NFIB: variants seen among roughly 807,000 people sequenced by gnomAD.
NFIB encodes nuclear factor 1 B-type.
Under a neutral mutation model 61.5 loss-of-function variants are expected in NFIB, and 11 were observed. The observed-to-expected ratio is 0.18, with a 90% CI of 0.11 to 0.30. NFIB has a LOEUF of 0.30. NFIB is among the 10% of genes least tolerant of loss of function. The pLI is 1.00. For synonymous variants in NFIB, 260 were observed against 216.5 expected (o/e 1.20, Z -1.76); for missense variants, 471 against 608.9 (o/e 0.77, Z 2.38).
At chr9:14,271,875 G>C (rs552203722) in intron 2 of NFIB, among the ~76,000 whole-genome samples, 2 of 152,142 alleles carry the variant, frequency 1.3e-5, no homozygotes, top group East Asian at 3.9e-4. Context: ...ACACTCATAA[G>C]AACTCTGGGT....
intron 2 of NFIB, among the ~76,000 whole-genome samples, chr9:14,288,069 A>G (rs2058834567): frequency 6.6e-6 from 1 of 152,264 alleles, no homozygotes; most frequent in Non-Finnish European, 1.5e-5. Flanking sequence ...GTATATTTGC[A>G]GAATATTTTG....
At chr9:14,500,215 C>A in the NFIB span, among the ~76,000 whole-genome samples, 1 of 152,184 alleles carries the variant, frequency 6.6e-6, no homozygotes, top group South Asian at 2.1e-4. Context: ...CACAGCAAGT[C>A]AGTAGGGCAG....
At chr9:14,252,244 G>A (rs536554647) in intron 2 of NFIB, among the ~76,000 whole-genome samples, 157 of 152,210 alleles carry the variant, frequency 1.0e-3, no homozygotes, top group African/African-American at 3.6e-3. Context: ...TGTTTTCAAA[G>A]TCTTGAACAT....
chr9:14,439,059 T>C, the NFIB span, among the ~76,000 whole-genome samples: 1 of 152,212 alleles, frequency 6.6e-6, no homozygotes, highest in South Asian at 2.1e-4. Flanking sequence ...AACCAATCCC[T>C]GTGGAGCTAC....
chr9:14,082,397 A>T lies in NFIB; in HGVS notation c.*5912T>A, dbSNP rs1180770386. The stretch of plus-strand genomic sequence containing the variant: ...TCCTACAAAAGTTGTTCTCAGAGAA[A>T]TATCATTGAGGTGGGGGCAGCTCTT... On this transcript the variant is annotated 3_prime_UTR_variant, in exon 11 of 11. Transcript: ENST00000380953. 4.9e-6 allele frequency: 1 copy of T among 203,118 alleles called. No individual in the cohort carries two copies. Among genetic ancestry groups the T allele is most frequent in the Admixed American group, 6.0e-5 (1 of 16,704 alleles). 12.6% of individuals were successfully genotyped at this position (203,118 alleles called of 1,614,324 possible).
At chr9:14,394,230 A>T (rs1588417858) in intron 1 of NFIB, among the ~76,000 whole-genome samples, 1 of 152,356 alleles carries the variant, frequency 6.6e-6, no homozygotes, top group East Asian at 1.9e-4. Context: ...AAGTGCTATT[A>T]TAAGGATAAC....
At chr9:14,255,133 G>C (rs564422769) in intron 2 of NFIB, among the ~76,000 whole-genome samples, 1 of 152,216 alleles carries the variant, frequency 6.6e-6, no homozygotes, top group Non-Finnish European at 1.5e-5. Context: ...TAAAGTTGGA[G>C]AATCACTTGA....
At chr9:14,518,977 C>T in the NFIB span, among the ~76,000 whole-genome samples, 31 of 152,120 alleles carry the variant, frequency 2.0e-4, no homozygotes, top group African/African-American at 7.0e-4. Context: ...TTGCCTGGAG[C>T]CATTATTGCG....
chr9:14,521,962 A>G, the NFIB span, among the ~76,000 whole-genome samples: 7 of 152,182 alleles, frequency 4.6e-5, no homozygotes, highest in African/African-American at 1.7e-4. Context: ...GGAATTCCCT[A>G]TGAAAGTTTA....
the NFIB span, among the ~76,000 whole-genome samples, chr9:14,504,491 T>A: frequency 1.3e-5 from 2 of 152,222 alleles, no homozygotes; most frequent in Admixed American, 6.5e-5. Context: ...GTTTGTGTCA[T>A]CTATGATTTC....
chr9:14,118,336 T>C (rs1024965337), intron 8 of NFIB, among the ~76,000 whole-genome samples: 1 of 152,116 alleles, frequency 6.6e-6, no homozygotes, highest in African/African-American at 2.4e-5. Context: ...GAACAAAATG[T>C]CTGGAGCAGA....
At chr9:14,268,128 A>T (rs1209317284) in intron 2 of NFIB, among the ~76,000 whole-genome samples, 1 of 152,088 alleles carries the variant, frequency 6.6e-6, no homozygotes, top group Non-Finnish European at 1.5e-5. Context: ...CTCAAAAAAA[A>T]AAAAAAAATT....
the NFIB span, among the ~76,000 whole-genome samples, chr9:14,446,786 G>A: frequency 6.6e-6 from 1 of 152,094 alleles, no homozygotes; most frequent in Non-Finnish European, 1.5e-5. Context: ...ACAGGGAATA[G>A]TATTAATAAA....
At chr9:14,515,797 G>C in the NFIB span, among the ~76,000 whole-genome samples, 1 of 152,182 alleles carries the variant, frequency 6.6e-6, no homozygotes, top group African/African-American at 2.4e-5. Flanking sequence ...CAAGCCTCTA[G>C]ACGATGCCAA....
At chr9:14,392,470 A>G (rs1208731278) in intron 1 of NFIB, among the ~76,000 whole-genome samples, 1 of 152,226 alleles carries the variant, frequency 6.6e-6, no homozygotes, top group Non-Finnish European at 1.5e-5. Flanking sequence ...GCTCAGGCCT[A>G]TAATCCCAGC....
intron 2 of NFIB, chr9:14,204,390 A>C: frequency 9.1e-7 from 1 of 1,096,198 alleles, no homozygotes; most frequent in Non-Finnish European, 1.4e-6. Context: ...ATCCAGCCCA[A>C]AAGAGACCTC....
chr9:14,493,292 T>C, the NFIB span, among the ~76,000 whole-genome samples: 1 of 152,208 alleles, frequency 6.6e-6, no homozygotes, highest in African/African-American at 2.4e-5. Context: ...CCACATGATA[T>C]GATTGGCTAG....
chr9:14,237,650 C>A (rs10756542), intron 2 of NFIB, among the ~76,000 whole-genome samples: 83,866 of 151,862 alleles, frequency 0.55, 24,433 homozygotes, highest in African/African-American at 0.72. Context: ...TTAAATAACT[C>A]CCAAATAGCC....
chr9:14,168,802 T>A (rs1388864406), intron 3 of NFIB, among the ~76,000 whole-genome samples: 2 of 152,330 alleles, frequency 1.3e-5, no homozygotes, highest in Admixed American at 1.3e-4. Context: ...ACCTTCTTTT[T>A]AAAACATTTT....
Sources: allele counts gnomAD v4.1 joint callset (sites outside exome capture counted in the v4.1 genomes callset), GRCh38; gene constraint gnomAD v4.1.1; transcripts MANE v1.5; gene names NCBI Gene and HGNC (gene_info 2026-07-23, HGNC 2026-07-21).